GHRHR: variants seen among roughly 807,000 people sequenced by gnomAD.
GHRHR encodes the protein growth hormone-releasing hormone receptor.
In GHRHR, 40 loss-of-function variants were observed where a neutral mutation model predicts 58.3. The observed-to-expected ratio is 0.69, with a 90% CI of 0.53 to 0.89. The LOEUF is 0.89. GHRHR is among the 40% of genes least tolerant of loss of function. The pLI, the probability that GHRHR is intolerant of heterozygous loss-of-function variation, is 0.00. For synonymous variants in GHRHR, 249 were observed against 216.6 expected, an observed-to-expected ratio of 1.15 and a Z score of -1.31; for missense variants, 551 against 541.3, an observed-to-expected ratio of 1.02 and a Z score of -0.18.
chr7:30,965,102 C>T (rs1007650791), intron 1 of GHRHR, among the ~76,000 whole-genome samples: 3 of 152,150 alleles, frequency 2.0e-5, no homozygotes, highest in African/African-American at 4.8e-5. Context: ...TCCGCTGGCC[C>T]GGGTCACTGT....
chr7:30,973,932 A>T, intron 6 of GHRHR, 53 bp from the exon 7 acceptor site: 1 of 1,567,370 alleles, frequency 6.4e-7, no homozygotes. Context: ...GGAGACTGGG[A>T]TGGGGCTCCA....
intron 10 of GHRHR, 128 bp downstream of exon 10, chr7:30,975,996 A>G: frequency 1.4e-6 from 1 of 710,786 alleles, no homozygotes; most frequent in Non-Finnish European, 2.6e-6. Context: ...TCCCAGAGAC[A>G]GAATAGACCT....
At chr7:30,974,215 C>A in intron 7 of GHRHR, 77 bp downstream of exon 7, 1 of 1,423,098 alleles carries the variant, frequency 7.0e-7, no homozygotes, top group Admixed American at 1.7e-5. Flanking sequence ...ATAAAGGCCC[C>A]TCCACCTCAC....
chr7:30,968,764 G>A, intron 1 of GHRHR, 70 bp from the exon 2 acceptor site: 1 of 998,806 alleles, frequency 1.0e-6, no homozygotes, highest in South Asian at 1.3e-5. Flanking sequence ...CTGTTCTCAG[G>A]TCATGTGGAC....
intron 1 of GHRHR, among the ~76,000 whole-genome samples, chr7:30,966,650 T>A (rs1792362129): frequency 6.6e-6 from 1 of 151,556 alleles, no homozygotes; most frequent in African/African-American, 2.4e-5. Flanking sequence ...TTGTTTTTTT[T>A]TTGTTTTTCT....
chr7:30,979,348 T>G lies in GHRHR; in HGVS notation c.*104T>G. On this transcript the variant is annotated 3_prime_UTR_variant, in exon 13 of 13. Coordinates refer to ENST00000326139, the MANE Select transcript of GHRHR (RefSeq NM_000823.4). ...GGGGCCACATCCCCACCCCAGCTGT[T>G]ACCCAGCCCGGGGCAGGTGCAGCCC... 8.7e-6 allele frequency: 10 copies of G among 1,153,622 alleles called. No homozygotes were observed. The highest frequency in any genetic ancestry group is 1.3e-5 in the Non-Finnish European group (10 of 793,522). The allele number at this position is 1,153,622 out of a possible 1,614,324, so 71.5% of individuals were successfully genotyped here.
At chr7:30,970,093 G>A in intron 4 of GHRHR, 129 bp downstream of exon 4, 1 of 734,740 alleles carries the variant, frequency 1.4e-6, no homozygotes, top group East Asian at 2.5e-5. Context: ...TTCCAGCAGA[G>A]AGCAGTGAAG....
rs1188132193 is a variant in GHRHR at position 30,971,133 on chromosome 7, C to T, written c.381C>T (p.Ser127=). The part of the protein sequence containing the change: ...ELLAEEESYF[S]TVKIIYTVGH... The stretch of plus-strand genomic sequence containing the variant: ...GCCCTTCCCAGGAATCTTACTTCTC[C>T]ACAGTGAAGATTATCTACACCGTGG... The change falls in exon 5 of 13, where the codon TCC becomes TCT. Residue 127 remains serine, a synonymous_variant. Coordinates refer to ENST00000326139, the MANE Select transcript of GHRHR (RefSeq NM_000823.4). 1.2e-5 allele frequency: 18 copies of T among 1,469,168 alleles called. No homozygotes were observed. The highest frequency in any genetic ancestry group is 2.0e-5 in the Admixed American group (1 of 51,184). The allele number at this position is 1,469,168 out of a possible 1,614,324, so 91.0% of individuals were successfully genotyped here.
At chr7:30,971,407 T>C (rs916537711) in intron 5 of GHRHR, among the ~76,000 whole-genome samples, 191 bp downstream of exon 5, 2 of 152,168 alleles carry the variant, frequency 1.3e-5, no homozygotes, top group Non-Finnish European at 1.5e-5. Flanking sequence ...TTCCTACCTC[T>C]GCCCCTTTGC....
chr7:30,977,891 C>T (rs1404118681), intron 12 of GHRHR, among the ~76,000 whole-genome samples: 2 of 152,202 alleles, frequency 1.3e-5, no homozygotes, highest in African/African-American at 4.8e-5. Flanking sequence ...GGTGCTGCTG[C>T]ACATGTGGAA....
chr7:30,974,887 G>A, intron 8 of GHRHR, 84 bp from the exon 9 acceptor site: 1 of 887,532 alleles, frequency 1.1e-6, no homozygotes, highest in Non-Finnish European at 1.9e-6. Context: ...GAGACCAGAA[G>A]GCATGAATGC....
At chr7:30,965,970 G>C (rs1043279967) in intron 1 of GHRHR, among the ~76,000 whole-genome samples, 7 of 152,200 alleles carry the variant, frequency 4.6e-5, no homozygotes, top group African/African-American at 1.7e-4. Context: ...AGCTGAGTCC[G>C]GGGCACCCAC....
In GHRHR at chr7:30,972,388, C is replaced by T. The variant is rs3735429; in HGVS notation, c.597+293C>T. On this transcript the variant is annotated intron_variant, in intron 6 of 12. Coordinates refer to ENST00000326139, the MANE Select transcript of GHRHR (RefSeq NM_000823.4). Reference sequence around the variant, plus strand: ...TGCACAGCCTTTTCCTTTCCTTTCACCCCTCCCTGAGCACTCATAGGTCTG... The same window carrying T: ...TGCACAGCCTTTTCCTTTCCTTTCATCCCTCCCTGAGCACTCATAGGTCTG... Among the ~76,000 whole-genome samples the T allele has an allele frequency of 0.047, 7,090 of 152,244 alleles. 489 individuals carry two copies. The highest frequency in any genetic ancestry group is 0.15 in the African/African-American group (6,036 of 41,502).
chr7:30,968,961 T>TGTTG, intron 2 of GHRHR, 25 bp downstream of exon 2: 1 of 1,578,418 alleles, frequency 6.3e-7, no homozygotes, highest in Non-Finnish European at 8.7e-7. Flanking sequence ...AGGCAGGTGG[T>TGTTG]GGCTTCTCTG....
Position 30,976,519 on chromosome 7 carries a change from C to A in GHRHR, c.1065C>A (p.Gly355=), listed in dbSNP as rs1215363155. 1.2e-6 allele frequency: 2 copies of A among 1,613,334 alleles called. No individual in the cohort carries two copies. The highest frequency in any genetic ancestry group is 8.5e-7 in the Non-Finnish European group (1 of 1,179,382). ...TCCTGCCAGACAATGCTGGCCTGGG[C>A]ATCCGCCTCCCCCTGGAGCTGGGAC... ...FNFLPDNAGL[G]IRLPLELGLG... is the part of the protein sequence containing the mutation. Residue 355 remains glycine (G), a synonymous_variant, in exon 11 of 13, where the codon GGC becomes GGA. Coordinates refer to ENST00000326139, the MANE Select transcript of GHRHR (RefSeq NM_000823.4).
chr7:30,969,826 A>G, intron 3 of GHRHR, 41 bp from the exon 4 acceptor site: 1 of 1,601,312 alleles, frequency 6.2e-7, no homozygotes, highest in Non-Finnish European at 8.6e-7. Context: ...TCCTGGGGAG[A>G]GGGAAGGAGT....
chr7:30,976,528 C>T lies in GHRHR; in HGVS notation c.1074C>T (p.Leu358=), dbSNP rs576049917. The T allele has an allele frequency of 1.2e-6, 2 of 1,613,282 alleles. No individual in the cohort carries two copies. The highest frequency in any genetic ancestry group is 1.7e-5 in the Admixed American group (1 of 59,998). ...LPDNAGLGIR[L]PLELGLGSFQ... The stretch of plus-strand genomic sequence containing the variant: ...ACAATGCTGGCCTGGGCATCCGCCT[C>T]CCCCTGGAGCTGGGACTGGGTTCCT... The change falls in exon 11 of 13, where the codon CTC becomes CTT. Residue 358 remains leucine, a synonymous_variant. Coordinates refer to ENST00000326139, the MANE Select transcript of GHRHR (RefSeq NM_000823.4).
chr7:30,965,994 G>T (rs1792341918), intron 1 of GHRHR, among the ~76,000 whole-genome samples: 1 of 152,218 alleles, frequency 6.6e-6, no homozygotes, highest in African/African-American at 2.4e-5. Flanking sequence ...AATAAGACCT[G>T]GAGCCTGGGT....
chr7:30,972,298 T>C (rs141611991), intron 6 of GHRHR, among the ~76,000 whole-genome samples: 108 of 152,314 alleles, frequency 7.1e-4, no homozygotes, highest in African/African-American at 2.4e-3. Context: ...TGTCGATCCA[T>C]GTCATTTCCC....
Sources: allele counts gnomAD v4.1 joint callset (sites outside exome capture counted in the v4.1 genomes callset), GRCh38; gene constraint gnomAD v4.1.1; transcripts MANE v1.5; gene names NCBI Gene and HGNC (gene_info 2026-07-23, HGNC 2026-07-21).